The following INPP5A variants were observed in gnomAD, a reference collection of about 807,000 sequenced individuals.
INPP5A encodes 43 kDa inositol polyphosphate 5-phophatase.
A neutral mutation model predicts 65.2 loss-of-function variants in INPP5A; 14 were observed. That is an observed-to-expected ratio of 0.21 (90% CI 0.14 to 0.34). INPP5A has a LOEUF of 0.34. Ranked by LOEUF, INPP5A falls within the 10% of genes least tolerant of loss-of-function variation. The probability of loss-of-function intolerance (pLI) is 1.00; values close to 1 mark genes in which losing one functional copy is unlikely to be tolerated. For missense variants in INPP5A, 431 were observed against 545.6 expected (o/e 0.79, Z 2.09); for synonymous variants, 207 against 208.3 (o/e 0.99, Z 0.05).
rs1169337549 is a variant in INPP5A, at chr10:132,766,088, G to C, written c.977+242G>C. On this transcript the variant is annotated intron_variant, in intron 12 of 15. Transcript: ENST00000368594. Reference sequence around the variant, plus strand: ...TCTGTGTGTGTGCACATGTGCACGAGTGTGTGTGCACGAGTGCATCTGTGT... The same window carrying C: ...TCTGTGTGTGTGCACATGTGCACGACTGTGTGTGCACGAGTGCATCTGTGT... Among the ~76,000 whole-genome samples, 5 of 146,372 alleles carry C rather than the reference G, an allele frequency of 3.4e-5. No individual in the cohort carries two copies. The East Asian group carries it at 9.6e-4, about 28-fold the overall frequency.
chr10:132,677,971 C>T (rs986390763), intron 4 of INPP5A, among the ~76,000 whole-genome samples: 3 of 152,236 alleles, frequency 2.0e-5, no homozygotes, highest in East Asian at 3.8e-4. Flanking sequence ...TAACCTCTAG[C>T]GTCAGCTGTC....
Position 132,588,678 on chromosome 10 carries a change from C to CT in INPP5A, c.76-19228dup, listed in dbSNP as rs200619992. Among the ~76,000 whole-genome samples, 1,141 of 151,714 alleles carry CT rather than the reference C, an allele frequency of 7.5e-3. 26 individuals carry two copies. The highest frequency in any genetic ancestry group is 0.046 in the Admixed American group (696 of 15,236). ...CTACAGGGTTAAGGCACCCACAGTG[C>CT]TTTTTTTTTAAATGACTTGTATTTG... On this transcript the variant is annotated intron_variant, in intron 1 of 15. Coordinates refer to ENST00000368594, the MANE Select transcript of INPP5A (RefSeq NM_005539.5).
At chr10:132,554,957 CATGTGGGTGGCATGATTGGCACTG>C (rs1327913489) in intron 1 of INPP5A, among the ~76,000 whole-genome samples, 81 of 114,168 alleles carry the variant, frequency 7.1e-4, no homozygotes, top group Non-Finnish European at 1.2e-3. Flanking sequence ...TAGCATGGTC[CATGTGGGTGGCATGATTGGCACTG>C]ATGTGGGTAG....
At chr10:132,625,746 C>T (rs923635172) in intron 2 of INPP5A, among the ~76,000 whole-genome samples, 3 of 152,010 alleles carry the variant, frequency 2.0e-5, no homozygotes, top group East Asian at 1.9e-4. Context: ...GGGCATTGCA[C>T]GGAGCAGGGG....
intron 1 of INPP5A, among the ~76,000 whole-genome samples, chr10:132,560,234 T>C (rs1202779065): frequency 1.3e-5 from 2 of 152,168 alleles, no homozygotes; most frequent in Non-Finnish European, 2.9e-5. Flanking sequence ...GGTGTAGACC[T>C]GCTTGTGGAA....
rs1221502876 is a variant in INPP5A at position 132,627,392 on chromosome 10, C to G, written c.118-18476C>G. Among the ~76,000 whole-genome samples, 4 of 152,098 alleles carry G rather than the reference C, an allele frequency of 2.6e-5. No individual in the cohort carries two copies. Among genetic ancestry groups the G allele is most frequent in the African/African-American group, 9.7e-5 (4 of 41,408 alleles). On this transcript the variant is annotated intron_variant, in intron 2 of 15. Coordinates refer to ENST00000368594, the MANE Select transcript of INPP5A (RefSeq NM_005539.5). This position sits in a 1 kb window ranked among gnomAD's most constrained non-coding sequence, Gnocchi z 6.6. ...CACACCTGTCCTGAGAGGGTCTGTC[C>G]TGGCCGCTGAGCAGGTGGGTCTGGA...
intron 4 of INPP5A, among the ~76,000 whole-genome samples, chr10:132,668,049 C>G (rs895761065): frequency 7.2e-5 from 11 of 152,016 alleles, no homozygotes; most frequent in African/African-American, 2.4e-4. Flanking sequence ...GTAACTTTTA[C>G]AAGTATTTGT....
At chr10:132,586,849 G>T (rs2071551548) in intron 1 of INPP5A, among the ~76,000 whole-genome samples, 1 of 152,134 alleles carries the variant, frequency 6.6e-6, no homozygotes, top group African/African-American at 2.4e-5. Context: ...CGAGGCCACG[G>T]TTCTCTCCTG....
chr10:132,673,086 G>A (rs921771942), intron 4 of INPP5A, among the ~76,000 whole-genome samples: 1 of 152,202 alleles, frequency 6.6e-6, no homozygotes, highest in Admixed American at 6.5e-5. Flanking sequence ...TCGTTGCAGA[G>A]TAGTAGACTG....
rs549259700 is a variant in INPP5A, at chr10:132,672,895, G to A, written c.307-17497G>A. Among the ~76,000 whole-genome samples, 8 of 152,212 alleles carry A rather than the reference G, an allele frequency of 5.3e-5. No homozygotes were observed. The East Asian group carries it at 1.4e-3, about 26-fold the overall frequency. ...CCTTTGCCTTCAGCATCACCTCAGC[G>A]GGTCGTGGTTTTTTTCCTGGTGGAA... On this transcript the variant is annotated intron_variant, in intron 4 of 15. Coordinates refer to ENST00000368594, the MANE Select transcript of INPP5A (RefSeq NM_005539.5).
chr10:132,777,582 G>A, intron 12 of INPP5A, 89 bp from the exon 13 acceptor site: 3 of 1,159,026 alleles, frequency 2.6e-6, no homozygotes, highest in Non-Finnish European at 2.5e-6. Flanking sequence ...ATTCTAAGGT[G>A]TATTGGGAGA....
chr10:132,610,441 T>C (rs1375496925), intron 2 of INPP5A, among the ~76,000 whole-genome samples: 1 of 152,192 alleles, frequency 6.6e-6, no homozygotes, highest in African/African-American at 2.4e-5. Flanking sequence ...CCTGGTGGGC[T>C]CTCTTCAGGC....
At chr10:132,780,779 C>T in intron 13 of INPP5A, 70 bp from the exon 14 acceptor site, 3 of 1,227,754 alleles carry the variant, frequency 2.4e-6, no homozygotes, top group South Asian at 1.2e-5. Context: ...GATGTTCCTG[C>T]CAGTCAGCTC....
chr10:132,723,723 C>G (rs566988698), intron 8 of INPP5A, among the ~76,000 whole-genome samples: 4 of 152,032 alleles, frequency 2.6e-5, no homozygotes, highest in Non-Finnish European at 5.9e-5. Flanking sequence ...CTTGTGGTCT[C>G]GCCTACACCT....
Position 132,762,385 on chromosome 10 carries a change from G to A in INPP5A, c.904-3388G>A, listed in dbSNP as rs1846749784. Among the ~76,000 whole-genome samples, 2 of 152,208 alleles carry A rather than the reference G, an allele frequency of 1.3e-5. No homozygotes were observed. Among genetic ancestry groups the A allele is most frequent in the South Asian group, 4.1e-4 (2 of 4,832 alleles). Reference sequence around the variant, plus strand: ...GAAAAATGTCCTATTACATAAGAATGCAAGTGGCGGCGGGTTTCCAGAACA... The same window carrying A: ...GAAAAATGTCCTATTACATAAGAATACAAGTGGCGGCGGGTTTCCAGAACA... On this transcript the variant is annotated intron_variant, in intron 11 of 15. Coordinates refer to ENST00000368594, the MANE Select transcript of INPP5A (RefSeq NM_005539.5). This position sits in a 1 kb window ranked among gnomAD's most constrained non-coding sequence, Gnocchi z 4.6.
At chr10:132,583,313 C>T (rs1287259613) in intron 1 of INPP5A, among the ~76,000 whole-genome samples, 4 of 152,186 alleles carry the variant, frequency 2.6e-5, no homozygotes, top group Admixed American at 6.5e-5. Context: ...TCTGTGGAGC[C>T]GTGGGTGACA....
At chr10:132,777,156 G>A (rs1420211044) in intron 12 of INPP5A, among the ~76,000 whole-genome samples, 1 of 152,234 alleles carries the variant, frequency 6.6e-6, no homozygotes, top group Non-Finnish European at 1.5e-5. Context: ...CTCCACTGCA[G>A]CAGTGACCCG....
rs1249547758 is a variant in INPP5A at position 132,658,273 on chromosome 10, A to G, written c.306+7768A>G. On this transcript the variant is annotated intron_variant, in intron 4 of 15. Transcript: ENST00000368594. ...ATTGATTTTTCATTATTTACTTCCT[A>G]AAAGTGTTGGAATTTGGTCCTCCAC... Among the ~76,000 whole-genome samples, 2 of 152,118 alleles carry G rather than the reference A, an allele frequency of 1.3e-5. 1 individual carries two copies. The highest frequency in any genetic ancestry group is 4.8e-5 in the African/African-American group (2 of 41,406).
chr10:132,716,150 G>A (rs559608086), intron 8 of INPP5A, among the ~76,000 whole-genome samples: 4 of 152,322 alleles, frequency 2.6e-5, no homozygotes, highest in Non-Finnish European at 4.4e-5. Flanking sequence ...GCCTGCACCC[G>A]CCACGCACCC....
Sources: allele counts gnomAD v4.1 joint callset (sites outside exome capture counted in the v4.1 genomes callset), GRCh38; gene constraint gnomAD v4.1.1; non-coding constraint Gnocchi (gnomAD v3.1); transcripts MANE v1.5; gene names NCBI Gene and HGNC (gene_info 2026-07-23, HGNC 2026-07-21).